Variants in MCM9 observed in about 807,000 individuals in gnomAD.
The protein encoded by MCM9 is DNA helicase MCM9.
A neutral mutation model predicts 72.8 loss-of-function variants in MCM9; 55 were observed. That is an observed-to-expected ratio of 0.76 (90% CI 0.61 to 0.95). The LOEUF (loss-of-function observed/expected upper bound fraction) is 0.95. Ranked by LOEUF, MCM9 falls within the 40% of genes least tolerant of loss-of-function variation. MCM9 has a pLI of 0.00. For synonymous variants in MCM9, 480 were observed against 503.4 expected (o/e 0.95, Z 0.62); for missense variants, 1,279 against 1,377.0 (o/e 0.93, Z 1.13).
intron 3 of MCM9, among the ~76,000 whole-genome samples, chr6:118,928,805 T>C (rs1248180440): frequency 6.6e-6 from 1 of 151,516 alleles, no homozygotes; most frequent in Non-Finnish European, 1.5e-5. Context: ...TGAGCTATGA[T>C]TGTTGTGCAA....
intron 8 of MCM9, chr6:118,900,950 A>G: frequency 1.8e-6 from 2 of 1,091,642 alleles, no homozygotes; most frequent in Non-Finnish European, 2.8e-6. Context: ...CTATTATCTT[A>G]TAACCCTTAT....
At chr6:118,832,070 T>C (rs1232224550) in intron 9 of MCM9, among the ~76,000 whole-genome samples, 1 of 152,080 alleles carries the variant, frequency 6.6e-6, no homozygotes, top group Non-Finnish European at 1.5e-5. Flanking sequence ...CCTTACTTAT[T>C]TTTTTTAAAA....
At position 118,813,573 on chromosome 6, in the gene MCM9, AATAC is replaced by A. The variant is rs1473630717; in HGVS notation, c.*1247_*1250del. On this transcript the variant is annotated 3_prime_UTR_variant, in exon 14 of 14. Coordinates refer to ENST00000619706, the MANE Select transcript of MCM9 (RefSeq NM_017696.3). Reference sequence around the variant, plus strand: ...ATTGAATGAAGTGAAAATTAAACAAAATACATATAGTTTTGAGTATTCTATGTCC... The same window carrying A: ...ATTGAATGAAGTGAAAATTAAACAAAATATAGTTTTGAGTATTCTATGTCC... The A allele has an allele frequency of 1.3e-5, 2 of 152,228 alleles. No homozygotes were observed. The highest frequency in any genetic ancestry group is 2.4e-5 in the African/African-American group (1 of 41,470). The allele number at this position is 152,228 out of a possible 1,614,324, so 9.4% of individuals were successfully genotyped here.
intron 8 of MCM9, among the ~76,000 whole-genome samples, chr6:118,868,621 T>C (rs1238560442): frequency 1.3e-5 from 2 of 152,104 alleles, no homozygotes; most frequent in Non-Finnish European, 2.9e-5. Flanking sequence ...GAACAGACAC[T>C]TCTCAAAAGA....
intron 9 of MCM9, among the ~76,000 whole-genome samples, chr6:118,850,938 C>A (rs1776179296): frequency 6.6e-6 from 1 of 151,720 alleles, no homozygotes; most frequent in African/African-American, 2.4e-5. Context: ...GCCTCCTCAG[C>A]CTCTTGAGTA....
chr6:118,819,814 T>C (rs2114508123), intron 13 of MCM9, among the ~76,000 whole-genome samples: 1 of 152,344 alleles, frequency 6.6e-6, no homozygotes, highest in Non-Finnish European at 1.5e-5. Flanking sequence ...TATTGGTATA[T>C]TCAGGGATTC....
At chr6:118,917,882 C>A in intron 5 of MCM9, 121 bp from the exon 6 acceptor site, 1 of 789,710 alleles carries the variant, frequency 1.3e-6, no homozygotes, top group Non-Finnish European at 2.1e-6. Flanking sequence ...ACAATATGTA[C>A]ACTCATCCAG....
At chr6:118,872,508 A>C (rs1274189690) in intron 8 of MCM9, among the ~76,000 whole-genome samples, 1 of 152,168 alleles carries the variant, frequency 6.6e-6, no homozygotes, top group African/African-American at 2.4e-5. Context: ...GCTACTCAGG[A>C]GGCTGAGTCA....
chr6:118,853,181 A>C (rs1005395466), intron 9 of MCM9, among the ~76,000 whole-genome samples: 4 of 152,190 alleles, frequency 2.6e-5, no homozygotes, highest in Non-Finnish European at 5.9e-5. Flanking sequence ...TTAAAAAAAA[A>C]CTATCCTTTC....
In MCM9 at chr6:118,900,682, T is replaced by G. The variant is rs902714436; in HGVS notation, c.1150+10968A>C. ...GCCAATTTTAAAGCCAGTAAGTGGC[T>G]AAGTGGACATTAAAAGGGTCTTTGA... On this transcript the variant is annotated intron_variant, in intron 8 of 13. Transcript: ENST00000619706. 17 of 958,966 alleles carry G rather than the reference T, an allele frequency of 1.8e-5. No individual in the cohort carries two copies. In the South Asian group the frequency reaches 2.1e-4, roughly 12 times the overall value. The allele number at this position is 958,966 out of a possible 1,614,324, so 59.4% of individuals were successfully genotyped here.
intron 13 of MCM9, among the ~76,000 whole-genome samples, chr6:118,823,562 A>G (rs1213071444): frequency 6.6e-6 from 1 of 152,052 alleles, no homozygotes; most frequent in Non-Finnish European, 1.5e-5. Context: ...CAGATCTCAT[A>G]TTTTCATTTC....
rs1293556376 is a variant in MCM9 at position 118,815,147 on chromosome 6, T to C, written c.3109A>G (p.Lys1037Glu). 1 of 1,550,618 alleles carries C rather than the reference T, an allele frequency of 6.4e-7. No individual in the cohort carries two copies. Among genetic ancestry groups the C allele is most frequent in the Non-Finnish European group, 8.7e-7 (1 of 1,146,994 alleles). Reference protein sequence around the residue: ...GCAHLTCEGDKKEEVSGSNKS... With the variant: ...GCAHLTCEGDEKEEVSGSNKS... ...TTACTGCCTGAAACCTCTTCCTTTTTGTCTCCCTCACAAGTAAGATGAGCA... is the reference window on the plus strand; with the variant it reads ...TTACTGCCTGAAACCTCTTCCTTTTCGTCTCCCTCACAAGTAAGATGAGCA... Residue 1037 changes from lysine to glutamate, a missense_variant, in exon 14 of 14, where the codon AAA (lysine) becomes GAA (glutamate). Coordinates refer to ENST00000619706, the MANE Select transcript of MCM9 (RefSeq NM_017696.3).
intron 3 of MCM9, among the ~76,000 whole-genome samples, chr6:118,930,350 G>A (rs1468882576): frequency 2.0e-5 from 3 of 152,084 alleles, no homozygotes; most frequent in Non-Finnish European, 2.9e-5. Flanking sequence ...CTGACCTTGC[G>A]ATCTGCCCGC....
At chr6:118,909,969 TAGCC>T (rs1451478177) in intron 8 of MCM9, among the ~76,000 whole-genome samples, 1 of 151,888 alleles carries the variant, frequency 6.6e-6, no homozygotes, top group African/African-American at 2.4e-5. Context: ...ATACAAAAAT[TAGCC>T]AGGTGCGGTG....
At chr6:118,911,510 G>T in intron 8 of MCM9, 140 bp downstream of exon 8, 2 of 1,377,948 alleles carry the variant, frequency 1.5e-6, no homozygotes, top group East Asian at 2.6e-5. Context: ...AAATAACATT[G>T]CATATTTCCT....
intron 13 of MCM9, among the ~76,000 whole-genome samples, chr6:118,822,438 A>G (rs905463440): frequency 5.9e-5 from 9 of 152,070 alleles, no homozygotes; most frequent in African/African-American, 2.2e-4. Context: ...CTGGGGTATC[A>G]CCAGTGGAGG....
rs964953803 is a variant in MCM9 at position 118,821,024 on chromosome 6, C to T, written c.1962-4730G>A. The stretch of plus-strand genomic sequence containing the variant: ...TTTTGAGCCTATGTGTGTATTTGCT[C>T]GTGAGATGGGTCTCCTGAATACAGC... On this transcript the variant is annotated intron_variant, in intron 13 of 13. Transcript: ENST00000619706. Among the ~76,000 whole-genome samples, 7 of 152,148 alleles carry T rather than the reference C, an allele frequency of 4.6e-5. No homozygotes were observed. In the South Asian group the frequency reaches 6.2e-4, roughly 14 times the overall value.
intron 7 of MCM9, 183 bp downstream of exon 7, chr6:118,913,112 C>T: frequency 1.6e-6 from 1 of 625,976 alleles, no homozygotes; most frequent in African/African-American, 1.8e-5. Context: ...CTTTCTGGAA[C>T]TCTAGAAAGT....
intron 8 of MCM9, among the ~76,000 whole-genome samples, chr6:118,881,864 T>C (rs537046911): frequency 6.6e-6 from 1 of 152,352 alleles, no homozygotes; most frequent in Admixed American, 6.5e-5. Flanking sequence ...CATGACCTGC[T>C]TCCTGCCTCT....
Sources: allele counts gnomAD v4.1 joint callset (sites outside exome capture counted in the v4.1 genomes callset), GRCh38; gene constraint gnomAD v4.1.1; transcripts MANE v1.5; gene names NCBI Gene and HGNC (gene_info 2026-07-23, HGNC 2026-07-21).